CTNNA3: variants seen among roughly 807,000 people sequenced by gnomAD.
CTNNA3 encodes the protein catenin alpha 3.
CTNNA3 carries 76 observed loss-of-function variants against 95.7 expected under a neutral mutation model. The ratio of observed to expected loss-of-function variants is 0.79; its 90% CI spans 0.66 to 0.96. CTNNA3 has a LOEUF of 0.96. CTNNA3 is among the 40% of genes least tolerant of loss of function. The pLI, the probability that CTNNA3 is intolerant of heterozygous loss-of-function variation, is 0.00. For missense variants in CTNNA3, 1,191 were observed against 1,089.8 expected, an observed-to-expected ratio of 1.09 and a Z score of -1.31; for synonymous variants, 431 against 374.4, an observed-to-expected ratio of 1.15 and a Z score of -1.74.
intron 5 of CTNNA3, among the ~76,000 whole-genome samples, chr10:67,310,571 T>C (rs868585371): frequency 3.7e-4 from 57 of 152,306 alleles, no homozygotes; most frequent in African/African-American, 1.0e-3. Context: ...CTGGGCAATT[T>C]ATAAAGGAAA....
At chr10:66,399,600 C>T (rs2132554555) in intron 11 of CTNNA3, among the ~76,000 whole-genome samples, 1 of 152,048 alleles carries the variant, frequency 6.6e-6, no homozygotes, top group Non-Finnish European at 1.5e-5. Context: ...CTTACTCTGT[C>T]ATCAGCTATC....
chr10:67,496,549 G>A (rs1300486422), intron 5 of CTNNA3, among the ~76,000 whole-genome samples: 1 of 152,064 alleles, frequency 6.6e-6, no homozygotes, highest in Non-Finnish European at 1.5e-5. Flanking sequence ...TGGCCCAAGA[G>A]AACCTCTTGT....
intron 15 of CTNNA3, among the ~76,000 whole-genome samples, chr10:66,068,775 A>T (rs2080367385): frequency 6.6e-6 from 1 of 152,206 alleles, no homozygotes; most frequent in Non-Finnish European, 1.5e-5. Flanking sequence ...CTATAAAATG[A>T]CATTTTAAGA....
chr10:66,893,017 G>A (rs1845332668), intron 7 of CTNNA3, among the ~76,000 whole-genome samples: 1 of 152,018 alleles, frequency 6.6e-6, no homozygotes, highest in Non-Finnish European at 1.5e-5. Context: ...CCCCTCAACT[G>A]TCATGTTTAG....
chr10:66,398,182 C>T (rs1343475876), intron 11 of CTNNA3, among the ~76,000 whole-genome samples: 1 of 151,848 alleles, frequency 6.6e-6, no homozygotes, highest in Non-Finnish European at 1.5e-5. Context: ...TCTTTCACAA[C>T]TTGCAAAGTA....
chr10:67,423,646 C>A (rs906552339), intron 5 of CTNNA3, among the ~76,000 whole-genome samples: 1 of 152,218 alleles, frequency 6.6e-6, no homozygotes, highest in Middle Eastern at 3.4e-3. Flanking sequence ...TTCTCCCCAC[C>A]AAACATACCA....
chr10:67,699,577 A>G (rs912962608), upstream of CTNNA3, among the ~76,000 whole-genome samples: 2 of 152,214 alleles, frequency 1.3e-5, no homozygotes, highest in East Asian at 3.9e-4. Context: ...AGGAATTTCC[A>G]GTATTTGAGG....
At chr10:67,702,219 A>G (rs1841045415) in intron 1 of CTNNA3, among the ~76,000 whole-genome samples, 1 of 152,270 alleles carries the variant, frequency 6.6e-6, no homozygotes, top group South Asian at 2.1e-4. Context: ...CAGATCAACG[A>G]GACAGAAAGT....
chr10:67,145,298 T>C (rs896002389), intron 7 of CTNNA3, among the ~76,000 whole-genome samples: 1 of 152,146 alleles, frequency 6.6e-6, no homozygotes, highest in South Asian at 2.1e-4. Flanking sequence ...GTACATGCTG[T>C]CAGAAAAATG....
At chr10:66,329,510 C>T (rs887244801) in intron 12 of CTNNA3, among the ~76,000 whole-genome samples, 10 of 151,654 alleles carry the variant, frequency 6.6e-5, no homozygotes, top group African/African-American at 1.7e-4. Context: ...GTATAACATG[C>T]GGCACTGCCT....
At chr10:66,714,182 C>T (rs1407815174) in intron 9 of CTNNA3, among the ~76,000 whole-genome samples, 1 of 152,090 alleles carries the variant, frequency 6.6e-6, no homozygotes. Context: ...TCAAACTTTT[C>T]CTAATGGAGC....
intron 7 of CTNNA3, among the ~76,000 whole-genome samples, chr10:66,865,452 A>T (rs2132423995): frequency 6.6e-6 from 1 of 152,082 alleles, no homozygotes; most frequent in East Asian, 1.9e-4. Flanking sequence ...CTTTTATCAC[A>T]ACCACAATGT....
chr10:66,994,045 T>C (rs867612587), intron 7 of CTNNA3, among the ~76,000 whole-genome samples: 7 of 152,176 alleles, frequency 4.6e-5, no homozygotes, highest in Admixed American at 2.6e-4. Flanking sequence ...GATTTAATTT[T>C]CCATTTGTAA....
At chr10:67,323,460 T>G (rs1841408219) in intron 5 of CTNNA3, among the ~76,000 whole-genome samples, 1 of 152,212 alleles carries the variant, frequency 6.6e-6, no homozygotes, top group South Asian at 2.1e-4. Context: ...CAGCACCACT[T>G]ATTGAATAGG....
intron 5 of CTNNA3, among the ~76,000 whole-genome samples, chr10:67,405,182 A>T (rs996624103): frequency 3.9e-5 from 6 of 152,202 alleles, no homozygotes; most frequent in African/African-American, 1.4e-4. Context: ...TAGCATCATG[A>T]TCACAGGATC....
At chr10:67,671,516 C>A (rs989425899) in intron 1 of CTNNA3, among the ~76,000 whole-genome samples, 89 of 144,994 alleles carry the variant, frequency 6.1e-4, no homozygotes, top group African/African-American at 2.1e-3. Context: ...CCGCTCCCCC[C>A]ACCCCACAAC....
At chr10:66,213,516 T>G (rs1379820553) in intron 13 of CTNNA3, among the ~76,000 whole-genome samples, 1 of 152,204 alleles carries the variant, frequency 6.6e-6, no homozygotes, top group Non-Finnish European at 1.5e-5. Flanking sequence ...TGATCTCCAG[T>G]ATATTTTCAT....
chr10:67,386,647 T>C (rs767320404), intron 5 of CTNNA3, among the ~76,000 whole-genome samples: 2 of 152,290 alleles, frequency 1.3e-5, no homozygotes, highest in Non-Finnish European at 2.9e-5. Context: ...AGGAAAAAGA[T>C]AGAAAAAGTC....
intron 17 of CTNNA3, among the ~76,000 whole-genome samples, chr10:65,945,178 T>A (rs896510231): frequency 1.8e-4 from 26 of 147,544 alleles, no homozygotes; most frequent in Non-Finnish European, 3.4e-4. Context: ...ATATATATAG[T>A]GAGAGGGAGA....
Sources: allele counts gnomAD v4.1 joint callset (sites outside exome capture counted in the v4.1 genomes callset), GRCh38; gene constraint gnomAD v4.1.1; transcripts MANE v1.5; gene names NCBI Gene and HGNC (gene_info 2026-07-23, HGNC 2026-07-21).